LCOR: variants seen among roughly 807,000 people sequenced by gnomAD.
The protein encoded by LCOR is ligand-dependent corepressor.
In LCOR, 14 loss-of-function variants were observed where a neutral mutation model predicts 64.4. The observed-to-expected ratio is 0.22, with a 90% CI of 0.14 to 0.34. The LOEUF (loss-of-function observed/expected upper bound fraction) is 0.34, where lower values mean the gene tolerates loss of function less well. Among genes scored for constraint, LCOR ranks in the 10% least tolerant of loss-of-function variants. LCOR has a pLI of 1.00. For synonymous variants in LCOR, 643 were observed against 642.5 expected, an observed-to-expected ratio of 1.00 and a Z score of -0.01; for missense variants, 1,686 against 1,765.3, an observed-to-expected ratio of 0.96 and a Z score of 0.80.
At chr10:96,968,864 G>C (rs1262613291) in intron 7 of LCOR, among the ~76,000 whole-genome samples, 1 of 151,938 alleles carries the variant, frequency 6.6e-6, no homozygotes, top group Non-Finnish European at 1.5e-5. Flanking sequence ...GGGCCCAAGA[G>C]ATAGAGGCTG....
chr10:96,918,251 A>AG (rs369996855), intron 4 of LCOR, among the ~76,000 whole-genome samples: 1 of 152,110 alleles, frequency 6.6e-6, no homozygotes, highest in Admixed American at 6.5e-5. Context: ...CTATAATGAC[A>AG]GGGGGGATGG....
At position 96,983,810 on chromosome 10, in the gene LCOR, A is replaced by G. The variant is rs1848118679; in HGVS notation, c.3350A>G (p.Gln1117Arg). The part of the protein sequence containing the change: ...NQELIANFNA[Q>R]YMKVQKGWIQ... Reference sequence around the variant, plus strand: ...GAGCTCATCGCCAACTTCAATGCCCAGTACATGAAAGTTCAGAAGGGCTGG... The same window carrying G: ...GAGCTCATCGCCAACTTCAATGCCCGGTACATGAAAGTTCAGAAGGGCTGG... The change falls in exon 8 of 8, where the codon CAG becomes CGG. Residue 1117 changes from glutamine (Q) to arginine (R), a missense_variant. This residue lies in a region of LCOR where 1,293 missense variants were observed against 1,410.4 expected (regional missense o/e 0.92). Transcript: ENST00000421806. The surrounding 1 kb of genome is among the most constrained non-coding windows in gnomAD (Gnocchi z 4.5). 2 of 1,614,106 alleles carry G rather than the reference A, an allele frequency of 1.2e-6. No individual in the cohort carries two copies. Among genetic ancestry groups the G allele is most frequent in the African/African-American group, 2.7e-5 (2 of 74,930 alleles).
chr10:96,914,320 C>T (rs1430131856), intron 4 of LCOR, among the ~76,000 whole-genome samples: 1 of 152,164 alleles, frequency 6.6e-6, no homozygotes, highest in Non-Finnish European at 1.5e-5. Context: ...CCTTAGCCCC[C>T]CTGAGTAGCT....
In LCOR at chr10:96,869,532, G is replaced by C. The variant is rs532854668; in HGVS notation, c.-330+36053G>C. Among the ~76,000 whole-genome samples the C allele has an allele frequency of 2.0e-3, 308 of 151,246 alleles. 2 individuals carry two copies. The highest frequency in any genetic ancestry group is 7.0e-3 in the African/African-American group (288 of 41,258). ...ACCTGGCCTAAGTTTTGAATGAACAGAAATTAGTATCTCAGTAGTTCGTTC... is the reference window on the plus strand; with the variant it reads ...ACCTGGCCTAAGTTTTGAATGAACACAAATTAGTATCTCAGTAGTTCGTTC... On this transcript the variant is annotated intron_variant, in intron 2 of 7. Coordinates refer to ENST00000421806, the MANE Select transcript of LCOR (RefSeq NM_001346516.2).
chr10:96,964,806 A>G (rs1371982860), intron 7 of LCOR, among the ~76,000 whole-genome samples: 1 of 152,100 alleles, frequency 6.6e-6, no homozygotes, highest in Non-Finnish European at 1.5e-5. Context: ...AATTTTCTTA[A>G]GAGTATAAAA....
intron 2 of LCOR, among the ~76,000 whole-genome samples, chr10:96,844,457 T>G (rs1237227122): frequency 6.6e-6 from 1 of 152,126 alleles, no homozygotes; most frequent in Non-Finnish European, 1.5e-5. Flanking sequence ...CTTATGTGCT[T>G]TATGTTACAT....
intron 2 of LCOR, among the ~76,000 whole-genome samples, chr10:96,856,028 G>A (rs1421567473): frequency 6.6e-6 from 1 of 152,094 alleles, no homozygotes; most frequent in African/African-American, 2.4e-5. Context: ...ACAGGCGTGA[G>A]ACATAGCCCC....
At chr10:96,896,935 G>A (rs770472335) in intron 2 of LCOR, among the ~76,000 whole-genome samples, 14 of 151,948 alleles carry the variant, frequency 9.2e-5, no homozygotes, top group Non-Finnish European at 1.3e-4. Flanking sequence ...AACTTTCAAA[G>A]TTTAGTTTTT....
intron 4 of LCOR, among the ~76,000 whole-genome samples, chr10:96,936,630 A>G (rs1037145992): frequency 6.6e-6 from 1 of 152,220 alleles, no homozygotes; most frequent in Non-Finnish European, 1.5e-5. Context: ...GCAAATTCCT[A>G]GAAAGTTACA....
chr10:96,875,911 C>G (rs1846156243), intron 2 of LCOR, among the ~76,000 whole-genome samples: 1 of 150,974 alleles, frequency 6.6e-6, no homozygotes, highest in African/African-American at 2.4e-5. Flanking sequence ...GTAGGAGGCA[C>G]AAAATTAGTA....
chr10:96,832,445 G>A, intron 1 of LCOR, 46 bp downstream of exon 1: 1 of 795,892 alleles, frequency 1.3e-6, no homozygotes, highest in Non-Finnish European at 1.5e-6. Flanking sequence ...CCGCCCCGCC[G>A]CCGGTCGCCC....
chr10:96,931,632 A>G (rs1027946107), intron 4 of LCOR, among the ~76,000 whole-genome samples: 1 of 152,194 alleles, frequency 6.6e-6, no homozygotes, highest in Non-Finnish European at 1.5e-5. Context: ...TGGGAAGTGG[A>G]CGCAAAGTAG....
intron 4 of LCOR, among the ~76,000 whole-genome samples, chr10:96,913,377 AGATGGGAAG>A (rs1288609660): frequency 6.6e-6 from 1 of 152,026 alleles, no homozygotes; most frequent in East Asian, 1.9e-4. Context: ...GGTCGGGGAG[AGATGGGAAG>A]GATGAGAAAT....
intron 2 of LCOR, among the ~76,000 whole-genome samples, chr10:96,848,818 T>C (rs183350541): frequency 6.6e-6 from 1 of 152,290 alleles, no homozygotes; most frequent in African/African-American, 2.4e-5. Context: ...GCCAGGAATA[T>C]TCTTTCAGGA....
At chr10:96,918,250 CAG>C (rs1491179230) in intron 4 of LCOR, among the ~76,000 whole-genome samples, 2 of 152,070 alleles carry the variant, frequency 1.3e-5, no homozygotes, top group African/African-American at 4.8e-5. Flanking sequence ...TCTATAATGA[CAG>C]GGGGGATGGG....
chr10:96,853,445 A>G (rs914418647), intron 2 of LCOR, among the ~76,000 whole-genome samples: 1 of 152,256 alleles, frequency 6.6e-6, no homozygotes, highest in Non-Finnish European at 1.5e-5. Flanking sequence ...ATGTCACAGT[A>G]ATGGTGCTTA....
intron 4 of LCOR, among the ~76,000 whole-genome samples, chr10:96,914,200 T>C (rs1430060565): frequency 6.6e-6 from 1 of 152,202 alleles, no homozygotes; most frequent in Non-Finnish European, 1.5e-5. Flanking sequence ...TTTATTGCTA[T>C]TTTATTTTAT....
chr10:96,876,774 C>T (rs1846172453), intron 2 of LCOR, among the ~76,000 whole-genome samples: 1 of 152,154 alleles, frequency 6.6e-6, no homozygotes. Flanking sequence ...ACTGCAATCT[C>T]CGCCTCCCGG....
chr10:96,883,857 A>G (rs1361624926), intron 2 of LCOR, among the ~76,000 whole-genome samples: 3 of 152,136 alleles, frequency 2.0e-5, no homozygotes, highest in Non-Finnish European at 4.4e-5. Flanking sequence ...AAAATTGTAC[A>G]TATTTGTGGT....
Sources: gnomAD v4.1 joint callset for allele counts (sites outside exome capture counted in the v4.1 genomes callset) on GRCh38, gnomAD v4.1.1 for gene constraint, gnomAD v4.1.1 regional missense constraint, Gnocchi (gnomAD v3.1) non-coding constraint, MANE v1.5 for transcripts, NCBI Gene and HGNC (gene_info 2026-07-23, HGNC 2026-07-21) for gene names.